NCKAP5: variants seen among roughly 807,000 people sequenced by gnomAD.
The protein encoded by NCKAP5 is nck-associated protein 5.
NCKAP5 carries 92 observed loss-of-function variants against 167.0 expected under a neutral mutation model. The ratio of observed to expected loss-of-function variants is 0.55; its 90% CI spans 0.47 to 0.66. The LOEUF is 0.66. Ranked by LOEUF, NCKAP5 falls within the 30% of genes least tolerant of loss-of-function variation. The probability of loss-of-function intolerance (pLI) is 0.00; values close to 1 mark genes in which losing one functional copy is unlikely to be tolerated. For synonymous variants in NCKAP5, 891 were observed against 877.4 expected (o/e 1.02, Z -0.27); for missense variants, 2,378 against 2,315.0 (o/e 1.03, Z -0.56).
At position 133,171,112 on chromosome 2, in the gene NCKAP5, T is replaced by C. The variant is rs144825059; in HGVS notation, c.208-41001A>G. On this transcript the variant is annotated intron_variant, in intron 5 of 19. Transcript: ENST00000409261. Reference sequence around the variant, plus strand: ...AATTCTAGACATTTAAGCAGGTCAGTAGAGAGATAAAGGGAGCATTTTGAG... The same window carrying C: ...AATTCTAGACATTTAAGCAGGTCAGCAGAGAGATAAAGGGAGCATTTTGAG... Among the ~76,000 whole-genome samples the C allele has an allele frequency of 1.2e-4, 19 of 152,206 alleles. No homozygotes were observed. The East Asian group carries it at 3.1e-3, about 25-fold the overall frequency.
intron 8 of NCKAP5, among the ~76,000 whole-genome samples, chr2:132,961,983 A>T (rs2076525711): frequency 6.6e-6 from 1 of 152,208 alleles, no homozygotes; most frequent in Non-Finnish European, 1.5e-5. Flanking sequence ...GACTATCTTT[A>T]AAAAATGACG....
chr2:132,789,907 G>T, intron 13 of NCKAP5, 116 bp downstream of exon 13: 2 of 886,422 alleles, frequency 2.3e-6, no homozygotes, highest in Non-Finnish European at 3.4e-6. Flanking sequence ...ACATGAGCAG[G>T]TGCTCAGCAA....
intron 4 of NCKAP5, among the ~76,000 whole-genome samples, chr2:133,259,093 C>A (rs1188521670): frequency 6.6e-6 from 1 of 152,174 alleles, no homozygotes; most frequent in African/African-American, 2.4e-5. Flanking sequence ...AGGTCCCTGC[C>A]TGAGCTCAAG....
At chr2:133,158,978 GA>G (rs1383379627) in intron 5 of NCKAP5, among the ~76,000 whole-genome samples, 1 of 151,598 alleles carries the variant, frequency 6.6e-6, no homozygotes, top group Admixed American at 6.6e-5. Flanking sequence ...CTAATCCCTA[GA>G]AAATGTGAAT....
chr2:133,168,279 CA>C (rs1473602107), intron 5 of NCKAP5, among the ~76,000 whole-genome samples: 28 of 134,756 alleles, frequency 2.1e-4, no homozygotes, highest in African/African-American at 8.3e-4. Flanking sequence ...CAACTGATAA[CA>C]TTTTTTTTTT....
At chr2:132,885,680 G>A (rs1692159175) in intron 8 of NCKAP5, among the ~76,000 whole-genome samples, 1 of 152,218 alleles carries the variant, frequency 6.6e-6, no homozygotes, top group Admixed American at 6.5e-5. Context: ...AAAAGGAACT[G>A]TGTTTCTTAG....
chr2:132,749,463 C>T (rs1679923196), intron 16 of NCKAP5, among the ~76,000 whole-genome samples: 1 of 152,220 alleles, frequency 6.6e-6, no homozygotes, highest in East Asian at 1.9e-4. Context: ...CTTGGCCTCC[C>T]AAAGTGCTGG....
intron 3 of NCKAP5, among the ~76,000 whole-genome samples, chr2:133,485,244 G>A (rs1680806568): frequency 6.6e-6 from 1 of 152,092 alleles, no homozygotes; most frequent in South Asian, 2.1e-4. Flanking sequence ...AAAAGAAAAG[G>A]AAAATGTTGA....
rs560669309 is a variant in NCKAP5 at position 132,697,178 on chromosome 2, C to T, written c.5714-23873G>A. Among the ~76,000 whole-genome samples, 10 of 10,034 alleles carry T rather than the reference C, an allele frequency of 1.0e-3. No homozygotes were observed. The Non-Finnish European group carries it at 0.068, about 68-fold the overall frequency. The allele number at this position is 10,034 out of a possible 152,430, so 6.6% of individuals were successfully genotyped here. A position where few individuals can be genotyped will look rare whatever the true frequency, so the allele number is the denominator to read the frequency against. ...GCTGGGATTACAGGCATGGGCACTGCGCCGGCCGACATCCTTATGCTTCTA... is the reference window on the plus strand; with the variant it reads ...GCTGGGATTACAGGCATGGGCACTGTGCCGGCCGACATCCTTATGCTTCTA... On this transcript the variant is annotated intron_variant, in intron 19 of 19. Transcript: ENST00000409261.
At chr2:133,527,703 T>A (rs1025127709) in intron 2 of NCKAP5, among the ~76,000 whole-genome samples, 1 of 152,150 alleles carries the variant, frequency 6.6e-6, no homozygotes, top group Non-Finnish European at 1.5e-5. Context: ...CTTTTTCTAC[T>A]CAATGATTTA....
chr2:133,584,961 G>A, the NCKAP5 span, among the ~76,000 whole-genome samples: 1 of 132,654 alleles, frequency 7.5e-6, no homozygotes, highest in Non-Finnish European at 1.6e-5. Flanking sequence ...AAGGAAGGAA[G>A]GAAGGAAGGA....
intron 19 of NCKAP5, among the ~76,000 whole-genome samples, chr2:132,695,607 G>A (rs1034061578): frequency 6.6e-6 from 1 of 152,094 alleles, no homozygotes; most frequent in South Asian, 2.1e-4. Context: ...TAATTCTACT[G>A]GCTTCTTACT....
intron 2 of NCKAP5, among the ~76,000 whole-genome samples, chr2:133,531,817 CAG>C (rs1339760988): frequency 6.6e-6 from 1 of 152,170 alleles, no homozygotes; most frequent in Admixed American, 6.6e-5. Flanking sequence ...CATAAAGCAA[CAG>C]AGATTCATGT....
intron 3 of NCKAP5, among the ~76,000 whole-genome samples, chr2:133,488,502 C>T (rs920221491): frequency 2.0e-5 from 3 of 152,138 alleles, no homozygotes; most frequent in African/African-American, 7.2e-5. Flanking sequence ...GGGCAACAAA[C>T]GCACATTTTT....
At chr2:133,108,159 A>G (rs1395593417) in intron 6 of NCKAP5, among the ~76,000 whole-genome samples, 1 of 152,226 alleles carries the variant, frequency 6.6e-6, no homozygotes, top group African/African-American at 2.4e-5. Flanking sequence ...TTAACTAGGC[A>G]GTGTGCATAA....
intron 3 of NCKAP5, among the ~76,000 whole-genome samples, chr2:133,398,032 G>A (rs1687862263): frequency 6.6e-6 from 1 of 152,030 alleles, no homozygotes; most frequent in South Asian, 2.1e-4. Flanking sequence ...CAGGCTCTGG[G>A]GTGGGTAGTG....
chr2:132,834,663 A>T (rs1446068419), intron 11 of NCKAP5, among the ~76,000 whole-genome samples: 1 of 151,752 alleles, frequency 6.6e-6, no homozygotes, highest in Non-Finnish European at 1.5e-5. Flanking sequence ...TTAAATTTTA[A>T]ATTTTTGTAG....
chr2:133,151,022 C>T (rs969457003), intron 5 of NCKAP5, among the ~76,000 whole-genome samples: 4 of 152,076 alleles, frequency 2.6e-5, no homozygotes, highest in African/African-American at 2.4e-5. Context: ...TGTCATTAGG[C>T]GTCTACTGAA....
chr2:133,018,296 A>G (rs2078414446), intron 6 of NCKAP5, among the ~76,000 whole-genome samples: 2 of 152,282 alleles, frequency 1.3e-5, no homozygotes, highest in Admixed American at 1.3e-4. Flanking sequence ...TTGAGGGCAC[A>G]CTGCCTTGTT....
Sources: gnomAD v4.1 joint callset for allele counts (sites outside exome capture counted in the v4.1 genomes callset) on GRCh38, gnomAD v4.1.1 for gene constraint, MANE v1.5 for transcripts, NCBI Gene and HGNC (gene_info 2026-07-23, HGNC 2026-07-21) for gene names.